MCM6: variants seen among roughly 807,000 people sequenced by gnomAD.
MCM6 encodes DNA replication licensing factor MCM6.
A neutral mutation model predicts 94.3 loss-of-function variants in MCM6; 46 were observed. The observed-to-expected ratio is 0.49, with a 90% CI of 0.39 to 0.62. MCM6 has a LOEUF of 0.62. MCM6 is among the 20% of genes least tolerant of loss of function. The pLI is 0.00. For missense variants in MCM6, 865 were observed against 1,017.9 expected, an observed-to-expected ratio of 0.85 and a Z score of 2.04; for synonymous variants, 335 against 351.9, an observed-to-expected ratio of 0.95 and a Z score of 0.54.
intron 15 of MCM6, 132 bp from the exon 16 acceptor site, chr2:135,844,816 T>G (rs769214844): frequency 9.9e-5 from 85 of 857,726 alleles, no homozygotes; most frequent in Non-Finnish European, 1.3e-4. Context: ...GTACATCTGG[T>G]GACGTAAGGT....
chr2:135,843,552 G>A (rs147967684), intron 16 of MCM6, among the ~76,000 whole-genome samples: 136 of 151,816 alleles, frequency 9.0e-4, no homozygotes, highest in African/African-American at 3.2e-3. Flanking sequence ...GGCCAACATG[G>A]CAAAACCCCA....
At chr2:135,853,592 C>G (rs1186408458) in intron 11 of MCM6, among the ~76,000 whole-genome samples, 4 of 152,152 alleles carry the variant, frequency 2.6e-5, no homozygotes, top group Non-Finnish European at 5.9e-5. Flanking sequence ...CCATTTTATA[C>G]ATGGGCAAAT....
Position 135,846,309 on chromosome 2 carries a change from A to G in MCM6, c.2137T>C (p.Leu713=). The part of the protein sequence containing the change: ...INQESAPKAS[L]RLGFSEYCRI... ...CAGTACTCAGAGAAGCCCAGCCTTA[A>G]GGAGGCTTTGGGAGCAGACTCTTGA... The change falls in exon 15 of 17, where the codon TTA becomes CTA. Residue 713 remains leucine (L), a synonymous_variant. Coordinates refer to ENST00000264156, the MANE Select transcript of MCM6 (RefSeq NM_005915.6). The G allele has an allele frequency of 1.2e-6, 2 of 1,614,138 alleles. No individual in the cohort carries two copies. Among genetic ancestry groups the G allele is most frequent in the Non-Finnish European group, 1.7e-6 (2 of 1,179,970 alleles).
chr2:135,867,846 T>C (rs1460605827), intron 4 of MCM6, among the ~76,000 whole-genome samples: 3 of 152,038 alleles, frequency 2.0e-5, no homozygotes, highest in Non-Finnish European at 4.4e-5. Context: ...TTTAACACGA[T>C]GAAACCCTGT....
In MCM6 at chr2:135,876,405, C is replaced by A; in HGVS notation, c.-40G>T. 1 of 1,532,542 alleles carries A rather than the reference C, an allele frequency of 6.5e-7. No homozygotes were observed. Among genetic ancestry groups the A allele is most frequent in the South Asian group, 1.2e-5 (1 of 85,394 alleles). The allele number at this position is 1,532,542 out of a possible 1,614,324, so 94.9% of individuals were successfully genotyped here. A position where few individuals can be genotyped will look rare whatever the true frequency, so the allele number is the denominator to read the frequency against. On this transcript the variant is annotated 5_prime_UTR_variant, in exon 1 of 17. Coordinates refer to ENST00000264156, the MANE Select transcript of MCM6 (RefSeq NM_005915.6). ...GAGGATTCGCCTGCGCCACGCTCGA[C>A]CGCCACAAGTCGCTTTTTTCCAGAC...
chr2:135,852,284 T>C (rs886809370), intron 12 of MCM6, among the ~76,000 whole-genome samples: 2 of 152,168 alleles, frequency 1.3e-5, no homozygotes, highest in Non-Finnish European at 2.9e-5. Context: ...TTCCTTTTCA[T>C]ACCCTATTTT....
intron 9 of MCM6, 47 bp from the exon 10 acceptor site, chr2:135,858,051 T>G (rs774496519): frequency 2.1e-5 from 32 of 1,534,476 alleles, no homozygotes; most frequent in Non-Finnish European, 2.9e-5. Context: ...TCAAGCTGGA[T>G]GCATGGCTCA....
intron 9 of MCM6, among the ~76,000 whole-genome samples, chr2:135,859,030 A>G (rs932781361): frequency 3.3e-5 from 5 of 152,074 alleles, no homozygotes; most frequent in Admixed American, 2.6e-4. Flanking sequence ...AGCTGGGACC[A>G]CAAGCACCCG....
intron 11 of MCM6, 46 bp downstream of exon 11, chr2:135,856,682 C>T: frequency 6.3e-7 from 1 of 1,592,056 alleles, no homozygotes; most frequent in Non-Finnish European, 8.6e-7. Flanking sequence ...CCTTGTCTCA[C>T]TCGATTACTC....
chr2:135,868,472 T>C, intron 4 of MCM6, 139 bp downstream of exon 4: 3 of 831,282 alleles, frequency 3.6e-6, no homozygotes, highest in Non-Finnish European at 5.6e-6. Flanking sequence ...AGTTTTGGGC[T>C]TAACTTTGTA....
intron 8 of MCM6, 32 bp downstream of exon 8, chr2:135,862,575 T>C: frequency 1.2e-6 from 2 of 1,612,464 alleles, no homozygotes; most frequent in East Asian, 2.2e-5. Flanking sequence ...TGTACACTTT[T>C]TCCTGCAACA....
intron 2 of MCM6, among the ~76,000 whole-genome samples, 190 bp downstream of exon 2, chr2:135,872,490 AAAAAAACGTTCGGCTCT>A (rs1400751398): frequency 6.6e-6 from 1 of 151,898 alleles, no homozygotes; most frequent in Non-Finnish European, 1.5e-5. Flanking sequence ...ACACAACAAC[AAAAAAACGTTCGGCTCT>A]ACAAAGGCCT....
In MCM6 at chr2:135,840,692, C is replaced by G; in HGVS notation, c.*143G>C. ...TGATGAATGTGACACATAGGACCAT[C>G]AACTCAATTCTTGTTTCTGAAAACA... On this transcript the variant is annotated 3_prime_UTR_variant, in exon 17 of 17. Coordinates refer to ENST00000264156, the MANE Select transcript of MCM6 (RefSeq NM_005915.6). 1.6e-6 allele frequency: 1 copy of G among 613,064 alleles called. No homozygotes were observed. The highest frequency in any genetic ancestry group is 2.9e-6 in the Non-Finnish European group (1 of 342,334). The allele number at this position is 613,064 out of a possible 1,614,324, so 38.0% of individuals were successfully genotyped here.
At chr2:135,858,156 T>C (rs750660779) in intron 9 of MCM6, 152 bp from the exon 10 acceptor site, 340 of 695,148 alleles carry the variant, frequency 4.9e-4, no homozygotes, top group Non-Finnish European at 7.8e-4. Context: ...ATTGCCACTG[T>C]ACTCCAGGTT....
At chr2:135,867,016 T>C (rs896845660) in intron 4 of MCM6, among the ~76,000 whole-genome samples, 3 of 151,416 alleles carry the variant, frequency 2.0e-5, no homozygotes, top group Admixed American at 2.0e-4. Flanking sequence ...ATTTTTTTCT[T>C]TGTTCAAAAT....
At chr2:135,860,784 T>C (rs999791409) in intron 8 of MCM6, among the ~76,000 whole-genome samples, 1 of 152,128 alleles carries the variant, frequency 6.6e-6, no homozygotes, top group Admixed American at 6.6e-5. Context: ...AACTTAAAGG[T>C]GAAAGGCTGA....
intron 11 of MCM6, among the ~76,000 whole-genome samples, chr2:135,854,123 A>G (rs527268071): frequency 6.6e-6 from 1 of 152,312 alleles, no homozygotes; most frequent in East Asian, 1.9e-4. Flanking sequence ...GCTGCTCAGG[A>G]GGCTGAGGTG....
At chr2:135,847,852 G>A (rs977123944) in intron 14 of MCM6, among the ~76,000 whole-genome samples, 17 of 152,216 alleles carry the variant, frequency 1.1e-4, no homozygotes, top group African/African-American at 3.6e-4. Flanking sequence ...GAGAGCCACC[G>A]TGCCCAGCCA....
At chr2:135,876,129 G>T (rs1575370588) in intron 1 of MCM6, 130 bp downstream of exon 1, 1 of 644,454 alleles carries the variant, frequency 1.6e-6, no homozygotes, top group Non-Finnish European at 2.4e-6. Context: ...AAGTTGGGGG[G>T]CGGGCGGGGA....
Sources: gnomAD v4.1 joint callset for allele counts (sites outside exome capture counted in the v4.1 genomes callset) on GRCh38, gnomAD v4.1.1 for gene constraint, MANE v1.5 for transcripts, NCBI Gene and HGNC (gene_info 2026-07-23, HGNC 2026-07-21) for gene names.